Variants in MAGI2 observed in about 807,000 individuals in gnomAD.
MAGI2 encodes membrane-associated guanylate kinase, WW and PDZ domain-containing protein 2.
MAGI2 carries 35 observed loss-of-function variants against 133.3 expected under a neutral mutation model. The ratio of observed to expected loss-of-function variants is 0.26; its 90% CI spans 0.20 to 0.35. MAGI2 has a LOEUF of 0.35. Among genes scored for constraint, MAGI2 ranks in the 10% least tolerant of loss-of-function variants. MAGI2 has a pLI of 1.00. For synonymous variants in MAGI2, 729 were observed against 710.6 expected, an observed-to-expected ratio of 1.03 and a Z score of -0.41; for missense variants, 1,636 against 1,863.4, an observed-to-expected ratio of 0.88 and a Z score of 2.25.
intron 6 of MAGI2, among the ~76,000 whole-genome samples, chr7:78,444,458 T>C (rs573289325): frequency 1.3e-5 from 2 of 152,184 alleles, no homozygotes; most frequent in South Asian, 2.1e-4. Context: ...TACCCAGCAA[T>C]CTTTTTCTGT....
At chr7:79,200,132 A>G (rs1428320232) in intron 1 of MAGI2, among the ~76,000 whole-genome samples, 7 of 151,814 alleles carry the variant, frequency 4.6e-5, no homozygotes, top group Non-Finnish European at 1.0e-4. Context: ...TTCCTGGTCT[A>G]GATTCAGACA....
intron 2 of MAGI2, among the ~76,000 whole-genome samples, chr7:78,783,366 CAT>C (rs1339067156): frequency 1.3e-5 from 2 of 152,040 alleles, no homozygotes; most frequent in African/African-American, 4.8e-5. Context: ...GTTTTCCTGA[CAT>C]AAAGCCATGT....
At chr7:78,178,587 T>C (rs796148953) in intron 13 of MAGI2, among the ~76,000 whole-genome samples, 9 of 148,728 alleles carry the variant, frequency 6.1e-5, no homozygotes, top group African/African-American at 2.2e-4. Context: ...TAGGAGTGTG[T>C]GTGTGTGTGT....
chr7:79,348,690 T>A (rs7808267), intron 1 of MAGI2, among the ~76,000 whole-genome samples: 47,015 of 151,336 alleles, frequency 0.31, 7,592 homozygotes, highest in Admixed American at 0.38. Flanking sequence ...TCAGAGAAAA[T>A]CAACTTCTCA....
rs1173583011 is a variant in MAGI2, at chr7:79,050,758, ACATT to A, written c.302-43556_302-43553del. ...AGACAATCAGAAGTTTGACTCACCAACATTCAGTGAAGTCTCCTGGCTGAAAGCC... is the reference window on the plus strand; with the variant it reads ...AGACAATCAGAAGTTTGACTCACCAACAGTGAAGTCTCCTGGCTGAAAGCC... On this transcript the variant is annotated intron_variant, in intron 1 of 21. Coordinates refer to ENST00000354212, the MANE Select transcript of MAGI2 (RefSeq NM_012301.4). Among the ~76,000 whole-genome samples the A allele has an allele frequency of 2.6e-5, 4 of 152,302 alleles. No individual in the cohort carries two copies. The East Asian group carries it at 5.8e-4, about 22-fold the overall frequency.
chr7:78,021,516 G>T (rs577838026), intron 21 of MAGI2, among the ~76,000 whole-genome samples: 2 of 152,276 alleles, frequency 1.3e-5, no homozygotes, highest in East Asian at 1.9e-4. Flanking sequence ...AAACTTGAGG[G>T]TTCTTATATA....
At chr7:78,401,907 C>A (rs1350818701) in intron 6 of MAGI2, among the ~76,000 whole-genome samples, 2 of 150,542 alleles carry the variant, frequency 1.3e-5, no homozygotes, top group African/African-American at 4.9e-5. Context: ...TCCCTCCTTC[C>A]CAGATAACAG....
chr7:78,711,220 A>G (rs1819153395), intron 2 of MAGI2, among the ~76,000 whole-genome samples: 1 of 152,180 alleles, frequency 6.6e-6, no homozygotes, highest in Non-Finnish European at 1.5e-5. Context: ...TGAGGTCTGG[A>G]CTGTGCTGGC....
chr7:78,780,296 C>A (rs1256007588), intron 2 of MAGI2, among the ~76,000 whole-genome samples: 2 of 152,202 alleles, frequency 1.3e-5, no homozygotes, highest in Admixed American at 1.3e-4. Context: ...ATGTCTCTTT[C>A]AAGACAGTGC....
intron 1 of MAGI2, among the ~76,000 whole-genome samples, chr7:79,227,566 C>A (rs1830965113): frequency 6.6e-6 from 1 of 152,062 alleles, no homozygotes; most frequent in Non-Finnish European, 1.5e-5. Flanking sequence ...CTTTTTTCAG[C>A]ACATAATACT....
chr7:78,327,150 G>A (rs148683338), intron 9 of MAGI2, among the ~76,000 whole-genome samples: 1,722 of 152,258 alleles, frequency 0.011, 17 homozygotes, highest in Non-Finnish European at 0.019. Flanking sequence ...GTTGACACTG[G>A]GTATTCCTTG....
rs200785137 is a variant in MAGI2 at position 78,557,097 on chromosome 7, A to G, written c.539-35452T>C. Among the ~76,000 whole-genome samples the G allele has an allele frequency of 6.5e-5, 9 of 139,002 alleles. No individual in the cohort carries two copies. The South Asian group carries it at 9.0e-4, about 14-fold the overall frequency. The allele number at this position is 139,002 out of a possible 152,430, so 91.2% of individuals were successfully genotyped here. A position where few individuals can be genotyped will look rare whatever the true frequency, so the allele number is the denominator to read the frequency against. On this transcript the variant is annotated intron_variant, in intron 3 of 21. Coordinates refer to ENST00000354212, the MANE Select transcript of MAGI2 (RefSeq NM_012301.4). ...CAGAGTCTCAAAAAAAAAAAAAAAAAAAAGAAAAAGAAAAAAAAAGAATTT... is the reference window on the plus strand; with the variant it reads ...CAGAGTCTCAAAAAAAAAAAAAAAAGAAAGAAAAAGAAAAAAAAAGAATTT...
intron 1 of MAGI2, among the ~76,000 whole-genome samples, chr7:79,399,349 C>T (rs1563187996): frequency 6.6e-6 from 1 of 151,962 alleles, no homozygotes; most frequent in Non-Finnish European, 1.5e-5. Context: ...CCACCTCAGC[C>T]TCCCAAAGTG....
At chr7:79,096,203 C>G in intron 1 of MAGI2, among the ~76,000 whole-genome samples, 1 of 152,170 alleles carries the variant, frequency 6.6e-6, no homozygotes, top group Middle Eastern at 3.4e-3. Flanking sequence ...TTAAATTAGA[C>G]CAATGGGAAG....
At chr7:78,717,239 CT>C (rs1258968230) in intron 2 of MAGI2, among the ~76,000 whole-genome samples, 1 of 151,712 alleles carries the variant, frequency 6.6e-6, no homozygotes, top group Non-Finnish European at 1.5e-5. Flanking sequence ...TTTTCTCCAT[CT>C]TAACAGTAAC....
At chr7:78,930,769 T>C (rs1221636800) in intron 2 of MAGI2, among the ~76,000 whole-genome samples, 3 of 152,106 alleles carry the variant, frequency 2.0e-5, no homozygotes, top group African/African-American at 7.2e-5. Context: ...GAAATTCTGT[T>C]AATCATGTTT....
intron 1 of MAGI2, among the ~76,000 whole-genome samples, chr7:79,348,114 GAAAT>G (rs1841450734): frequency 6.6e-6 from 1 of 151,794 alleles, no homozygotes; most frequent in South Asian, 2.1e-4. Flanking sequence ...TCTTATTAAT[GAAAT>G]AAATAAGCAT....
intron 2 of MAGI2, among the ~76,000 whole-genome samples, chr7:78,643,204 T>C (rs895628078): frequency 6.6e-6 from 1 of 152,178 alleles, no homozygotes. Flanking sequence ...TAAAGTGTTG[T>C]CAAGTTAGAG....
chr7:78,532,927 C>G (rs900566085), intron 3 of MAGI2, among the ~76,000 whole-genome samples: 1 of 151,696 alleles, frequency 6.6e-6, no homozygotes, highest in Non-Finnish European at 1.5e-5. Context: ...ATATTTAAAA[C>G]TCTGGAAATC....
Sources: gnomAD v4.1 joint callset for allele counts (sites outside exome capture counted in the v4.1 genomes callset) on GRCh38, gnomAD v4.1.1 for gene constraint, MANE v1.5 for transcripts, NCBI Gene and HGNC (gene_info 2026-07-23, HGNC 2026-07-21) for gene names.